The following MAF variants were observed in gnomAD, a reference collection of about 807,000 sequenced individuals.
MAF encodes the protein MAF bZIP transcription factor, also known as transcription factor Maf.
MAF carries 10 observed loss-of-function variants against 22.0 expected under a neutral mutation model. The ratio of observed to expected loss-of-function variants is 0.45; its 90% CI spans 0.28 to 0.77. The LOEUF (loss-of-function observed/expected upper bound fraction) is 0.77. Among genes scored for constraint, MAF ranks in the 30% least tolerant of loss-of-function variants. The probability of loss-of-function intolerance (pLI) is 0.12; values close to 1 mark genes in which losing one functional copy is unlikely to be tolerated. For synonymous variants in MAF, 337 were observed against 255.8 expected, an observed-to-expected ratio of 1.32 and a Z score of -3.03; for missense variants, 544 against 548.4, an observed-to-expected ratio of 0.99 and a Z score of 0.08.
chr16:79,582,267 A>G (rs1912566136), downstream of MAF, among the ~76,000 whole-genome samples: 2 of 152,198 alleles, frequency 1.3e-5, no homozygotes, highest in Non-Finnish European at 2.9e-5. Flanking sequence ...AAACATTGGC[A>G]TCTGTGAACG....
the MAF span, among the ~76,000 whole-genome samples, chr16:79,406,516 C>G: frequency 5.9e-5 from 9 of 152,176 alleles, no homozygotes; most frequent in Non-Finnish European, 1.2e-4. Flanking sequence ...CATGTTCTCA[C>G]AGGGTGGAAG....
chr16:79,289,850 G>A, the MAF span, among the ~76,000 whole-genome samples: 5 of 35,084 alleles, frequency 1.4e-4, no homozygotes, highest in Non-Finnish European at 2.3e-4. Context: ...ATGTTTGTTT[G>A]TGTATTTTTT....
the MAF span, among the ~76,000 whole-genome samples, chr16:79,323,851 G>A: frequency 3.9e-5 from 6 of 152,280 alleles, no homozygotes; most frequent in South Asian, 1.2e-3. Flanking sequence ...TGACCTTGGG[G>A]GAAAGTGACC....
chr16:79,567,272 C>T, the MAF span, among the ~76,000 whole-genome samples: 7 of 151,878 alleles, frequency 4.6e-5, no homozygotes, highest in East Asian at 1.9e-4. Context: ...GAGCCAAGAT[C>T]GTGCCATTGC....
chr16:79,336,140 A>T, the MAF span, among the ~76,000 whole-genome samples: 1 of 152,220 alleles, frequency 6.6e-6, no homozygotes, highest in Non-Finnish European at 1.5e-5. Flanking sequence ...TGTAAGCTGA[A>T]ACATGAGGTT....
chr16:79,214,121 CCT>C, the MAF span, among the ~76,000 whole-genome samples: 1 of 152,128 alleles, frequency 6.6e-6, no homozygotes, highest in African/African-American at 2.4e-5. Context: ...TCACGTTATC[CCT>C]GTCTTCATGG....
chr16:79,475,728 A>G, the MAF span, among the ~76,000 whole-genome samples: 1 of 152,196 alleles, frequency 6.6e-6, no homozygotes, highest in African/African-American at 2.4e-5. Context: ...ATCTGTAAAA[A>G]TGAATAAGGA....
At chr16:79,491,115 C>G in the MAF span, among the ~76,000 whole-genome samples, 1 of 152,130 alleles carries the variant, frequency 6.6e-6, no homozygotes, top group Non-Finnish European at 1.5e-5. Flanking sequence ...GTAAGCAGTT[C>G]GAGATAGGAT....
the MAF span, among the ~76,000 whole-genome samples, chr16:79,293,435 T>C: frequency 5.3e-5 from 8 of 152,260 alleles, no homozygotes; most frequent in Non-Finnish European, 1.2e-4. Flanking sequence ...AAATGCCTAT[T>C]ATGTAATATA....
the MAF span, among the ~76,000 whole-genome samples, chr16:79,236,331 C>G: frequency 6.6e-6 from 1 of 151,912 alleles, no homozygotes; most frequent in Non-Finnish European, 1.5e-5. Flanking sequence ...CTTTCCCTCC[C>G]TCTCCCTCCT....
At chr16:79,468,697 C>T in the MAF span, among the ~76,000 whole-genome samples, 2 of 152,210 alleles carry the variant, frequency 1.3e-5, no homozygotes, top group South Asian at 4.1e-4. Context: ...TAACGTGGCC[C>T]CCATGCCTGG....
At chr16:79,397,287 C>T in the MAF span, among the ~76,000 whole-genome samples, 19 of 152,276 alleles carry the variant, frequency 1.2e-4, no homozygotes, top group African/African-American at 3.8e-4. Flanking sequence ...AAAAAAAGCA[C>T]GGGATCTCAT....
chr16:79,432,298 T>G, the MAF span, among the ~76,000 whole-genome samples: 1 of 152,182 alleles, frequency 6.6e-6, no homozygotes, highest in Non-Finnish European at 1.5e-5. Context: ...TGCGGATCTG[T>G]GGGTCAATGA....
At chr16:79,483,842 G>A in the MAF span, among the ~76,000 whole-genome samples, 1 of 152,178 alleles carries the variant, frequency 6.6e-6, no homozygotes, top group Non-Finnish European at 1.5e-5. Flanking sequence ...CAATGTGATG[G>A]TGGTCTTATT....
At chr16:79,318,993 A>G in the MAF span, among the ~76,000 whole-genome samples, 2 of 152,204 alleles carry the variant, frequency 1.3e-5, no homozygotes, top group Non-Finnish European at 2.9e-5. Context: ...ATAAAATAGC[A>G]TTTCCTTTGC....
chr16:79,433,343 G>A, the MAF span, among the ~76,000 whole-genome samples: 121 of 151,146 alleles, frequency 8.0e-4, no homozygotes, highest in African/African-American at 2.6e-3. Flanking sequence ...TTAACGGGAC[G>A]ATGGAGTTGG....
chr16:79,588,991 G>C (rs947755230), downstream of MAF, among the ~76,000 whole-genome samples: 1 of 152,152 alleles, frequency 6.6e-6, no homozygotes, highest in Non-Finnish European at 1.5e-5. Context: ...TAAAAAATCT[G>C]ACAGTGTAAA....
the MAF span, among the ~76,000 whole-genome samples, chr16:79,292,044 G>C: frequency 6.6e-6 from 1 of 151,832 alleles, no homozygotes; most frequent in Non-Finnish European, 1.5e-5. Flanking sequence ...CATCTTAAAG[G>C]TATATATACC....
At chr16:79,386,127 G>C in the MAF span, among the ~76,000 whole-genome samples, 3 of 152,162 alleles carry the variant, frequency 2.0e-5, no homozygotes, top group Non-Finnish European at 2.9e-5. Flanking sequence ...TGGTTTCATG[G>C]AAGACAATTT....
Sources: allele counts gnomAD v4.1 joint callset (sites outside exome capture counted in the v4.1 genomes callset), GRCh38; gene constraint gnomAD v4.1.1; transcripts MANE v1.5; gene names NCBI Gene and HGNC (gene_info 2026-07-23, HGNC 2026-07-21).